Variants in GRIK2 observed in about 807,000 individuals in gnomAD.
GRIK2 encodes the protein glutamate receptor ionotropic, kainate 2.
In GRIK2, 32 loss-of-function variants were observed where a neutral mutation model predicts 100.3. That is an observed-to-expected ratio of 0.32 (90% CI 0.24 to 0.43). The LOEUF (loss-of-function observed/expected upper bound fraction) is 0.43, where lower values mean the gene tolerates loss of function less well. Among genes scored for constraint, GRIK2 ranks in the 20% least tolerant of loss-of-function variants. The pLI is 1.00. For synonymous variants in GRIK2, 417 were observed against 389.4 expected, an observed-to-expected ratio of 1.07 and a Z score of -0.83; for missense variants, 843 against 1,114.9, an observed-to-expected ratio of 0.76 and a Z score of 3.47.
At chr6:101,650,314 C>T (rs1781725133) in intron 4 of GRIK2, among the ~76,000 whole-genome samples, 1 of 152,070 alleles carries the variant, frequency 6.6e-6, no homozygotes, top group Admixed American at 6.6e-5. Flanking sequence ...GGCGTGCTGA[C>T]CACTTGGTTT....
intron 11 of GRIK2, among the ~76,000 whole-genome samples, chr6:101,876,076 A>G (rs1785817767): frequency 6.6e-6 from 1 of 151,654 alleles, no homozygotes; most frequent in Non-Finnish European, 1.5e-5. Flanking sequence ...TAAAAACTTA[A>G]TTTGAGTTCA....
intron 2 of GRIK2, among the ~76,000 whole-genome samples, chr6:101,598,325 A>C (rs1339833558): frequency 6.6e-6 from 1 of 151,504 alleles, no homozygotes; most frequent in Non-Finnish European, 1.5e-5. Flanking sequence ...CCTTTGTCTC[A>C]ACTCATCCTG....
chr6:101,676,594 TC>T lies in GRIK2; in HGVS notation c.542-28del. The T allele has an allele frequency of 3.8e-6, 5 of 1,306,400 alleles. No individual in the cohort carries two copies. The South Asian group carries it at 7.0e-5, about 18-fold the overall frequency. 80.9% of individuals were successfully genotyped at this position (1,306,400 alleles called of 1,614,324 possible). A position where few individuals can be genotyped will look rare whatever the true frequency, so the allele number is the denominator to read the frequency against. ...CTACTCTATTTTTTATCTCTAATAT[TC>T]TTTTTTTTTTTTCCATTTTAATTAA... On this transcript the variant is annotated intron_variant, in intron 4 of 16. Coordinates refer to ENST00000369134, the MANE Select transcript of GRIK2 (RefSeq NM_021956.5).
chr6:101,755,612 C>G (rs1364464709), intron 7 of GRIK2, among the ~76,000 whole-genome samples: 1 of 152,162 alleles, frequency 6.6e-6, no homozygotes, highest in African/African-American at 2.4e-5. Context: ...TCCAGATAAA[C>G]TAGTGTGTTA....
intron 16 of GRIK2, among the ~76,000 whole-genome samples, chr6:102,058,123 C>A (rs573053914): frequency 6.6e-6 from 1 of 151,902 alleles, no homozygotes; most frequent in South Asian, 2.1e-4. Context: ...CATTTCAAAC[C>A]ATTTTCAGCA....
chr6:101,932,704 T>C (rs1582563491), intron 14 of GRIK2, among the ~76,000 whole-genome samples: 1 of 151,976 alleles, frequency 6.6e-6, no homozygotes, highest in Admixed American at 6.6e-5. Flanking sequence ...ATCTATATCA[T>C]TCATTTTTGT....
intron 14 of GRIK2, among the ~76,000 whole-genome samples, chr6:101,959,374 G>A (rs1373890639): frequency 6.6e-6 from 1 of 152,054 alleles, no homozygotes; most frequent in Admixed American, 6.6e-5. Context: ...TGTATGCCTA[G>A]TGATACTCAT....
intron 4 of GRIK2, among the ~76,000 whole-genome samples, chr6:101,647,458 A>G (rs762144145): frequency 2.6e-5 from 4 of 152,012 alleles, no homozygotes; most frequent in Non-Finnish European, 4.4e-5. Flanking sequence ...TTGAAGATCC[A>G]AGGCCTTCTC....
chr6:101,629,978 G>A (rs1243226794), intron 4 of GRIK2, among the ~76,000 whole-genome samples: 1 of 152,046 alleles, frequency 6.6e-6, no homozygotes, highest in Non-Finnish European at 1.5e-5. Flanking sequence ...TTGGTTTTCT[G>A]TTCCTCTGTA....
chr6:101,451,322 G>A (rs1318569772), intron 2 of GRIK2, among the ~76,000 whole-genome samples: 1 of 151,556 alleles, frequency 6.6e-6, no homozygotes, highest in Non-Finnish European at 1.5e-5. Flanking sequence ...AGTACTCCTT[G>A]CTTTATATCT....
At chr6:101,536,133 GT>G (rs991059294) in intron 2 of GRIK2, among the ~76,000 whole-genome samples, 1 of 151,430 alleles carries the variant, frequency 6.6e-6, no homozygotes, top group South Asian at 2.1e-4. Context: ...GGATAAAAAA[GT>G]TTTTTTGTGT....
rs575032654 is a variant in GRIK2, at chr6:101,539,194, T to A, written c.116-82755T>A. Among the ~76,000 whole-genome samples the A allele has an allele frequency of 2.0e-5, 3 of 151,864 alleles. 1 individual carries two copies. The highest frequency in any genetic ancestry group is 4.4e-5 in the Non-Finnish European group (3 of 67,746). The stretch of plus-strand genomic sequence containing the variant: ...GCTTCTGAAGGCCAGTTCACTTCTG[T>A]TGTAGATAGCAAATTTTACCTTTCA... On this transcript the variant is annotated intron_variant, in intron 2 of 16. Coordinates refer to ENST00000369134, the MANE Select transcript of GRIK2 (RefSeq NM_021956.5).
intron 8 of GRIK2, among the ~76,000 whole-genome samples, 196 bp from the exon 9 acceptor site, chr6:101,802,135 A>G (rs1252864553): frequency 6.6e-6 from 1 of 151,934 alleles, no homozygotes. Context: ...AAAAATTTAT[A>G]GTAAATTTTC....
intron 10 of GRIK2, among the ~76,000 whole-genome samples, chr6:101,855,913 G>C (rs1489761690): frequency 2.0e-5 from 3 of 152,134 alleles, no homozygotes; most frequent in African/African-American, 7.2e-5. Flanking sequence ...TTCTAGCAGG[G>C]GACAGTGTAA....
rs548656086 is a variant in GRIK2 at position 101,840,034 on chromosome 6, C to T, written c.1318-19253C>T. 4.5e-4 allele frequency among the ~76,000 whole-genome samples: 69 copies of T among 152,194 alleles called. 1 individual carries two copies. The highest frequency in any genetic ancestry group is 1.6e-3 in the African/African-American group (67 of 41,534). ...TCATGAATAATGGTGTGATAGTTCACTCAGGGAGCACATACGTGTTTCAGT... is the reference window on the plus strand; with the variant it reads ...TCATGAATAATGGTGTGATAGTTCATTCAGGGAGCACATACGTGTTTCAGT... On this transcript the variant is annotated intron_variant, in intron 10 of 16. Transcript: ENST00000369134.
intron 7 of GRIK2, among the ~76,000 whole-genome samples, chr6:101,787,584 T>G (rs1779517125): frequency 6.6e-6 from 1 of 152,190 alleles, no homozygotes; most frequent in East Asian, 1.9e-4. Context: ...GTATGCTGTT[T>G]AGTGTCCATA....
chr6:101,860,874 AT>A (rs200335820), intron 11 of GRIK2: 7,173 of 694,732 alleles, frequency 0.01, 42 homozygotes, highest in Non-Finnish European at 0.011. Flanking sequence ...CTTTGGATTT[AT>A]TTTTATTTCT....
chr6:101,860,944 G>T, intron 11 of GRIK2: 4 of 921,588 alleles, frequency 4.3e-6, no homozygotes, highest in South Asian at 5.0e-5. Context: ...CTTGAAAAAA[G>T]ACCTTTTCCC....
chr6:101,938,577 G>C (rs906883722), intron 14 of GRIK2, among the ~76,000 whole-genome samples: 2 of 152,078 alleles, frequency 1.3e-5, no homozygotes, highest in Non-Finnish European at 1.5e-5. Context: ...ATTAGTGGCT[G>C]TGGCAGTGCC....
Sources: allele counts gnomAD v4.1 joint callset (sites outside exome capture counted in the v4.1 genomes callset), GRCh38; gene constraint gnomAD v4.1.1; transcripts MANE v1.5; gene names NCBI Gene and HGNC (gene_info 2026-07-23, HGNC 2026-07-21).